GRM8: variants seen among roughly 807,000 people sequenced by gnomAD.
GRM8 encodes the protein glutamate metabotropic receptor 8.
Under a neutral mutation model 87.2 loss-of-function variants are expected in GRM8, and 47 were observed. That is an observed-to-expected ratio of 0.54 (90% CI 0.43 to 0.69). GRM8 has a LOEUF of 0.69. Among genes scored for constraint, GRM8 ranks in the 30% least tolerant of loss-of-function variants. The pLI, the probability that GRM8 is intolerant of heterozygous loss-of-function variation, is 0.00. For synonymous variants in GRM8, 396 were observed against 404.5 expected (o/e 0.98, Z 0.25); for missense variants, 1,019 against 1,139.2 (o/e 0.89, Z 1.52).
intron 7 of GRM8, among the ~76,000 whole-genome samples, chr7:126,642,738 A>C (rs1802543013): frequency 6.6e-6 from 1 of 152,236 alleles, no homozygotes; most frequent in African/African-American, 2.4e-5. Flanking sequence ...GAGTTGAAGA[A>C]AGCAGATTTC....
intron 6 of GRM8, among the ~76,000 whole-genome samples, chr7:126,820,549 A>G (rs914724100): frequency 1.3e-5 from 2 of 152,230 alleles, no homozygotes; most frequent in African/African-American, 4.8e-5. Context: ...TGAACCTTGG[A>G]TAAATTCAAC....
intron 2 of GRM8, among the ~76,000 whole-genome samples, chr7:127,107,146 C>T (rs1825887668): frequency 6.6e-6 from 1 of 152,126 alleles, no homozygotes; most frequent in South Asian, 2.1e-4. Context: ...CAATGACTAA[C>T]AGGGAATTTA....
chr7:127,169,092 T>C (rs1440909620), intron 2 of GRM8, among the ~76,000 whole-genome samples: 1 of 148,388 alleles, frequency 6.7e-6, no homozygotes. Context: ...AAAAAAAAGC[T>C]AGAAATGAGG....
intron 6 of GRM8, among the ~76,000 whole-genome samples, chr7:126,842,440 A>G (rs1796363845): frequency 6.6e-6 from 1 of 152,260 alleles, no homozygotes; most frequent in Admixed American, 6.5e-5. Flanking sequence ...TGAAACAGGA[A>G]AGAATCACTA....
chr7:126,457,534 G>T (rs1217372409), intron 9 of GRM8, among the ~76,000 whole-genome samples: 2 of 151,152 alleles, frequency 1.3e-5, no homozygotes, highest in African/African-American at 4.8e-5. Context: ...AATAGAACTA[G>T]GTTGGAAATA....
intron 2 of GRM8, among the ~76,000 whole-genome samples, chr7:127,109,336 G>T (rs1376476731): frequency 6.6e-6 from 1 of 151,950 alleles, no homozygotes. Context: ...AAAAAAAAAA[G>T]TAGTGTCTTT....
At position 126,536,194 on chromosome 7, in the gene GRM8, C is replaced by T. The variant is rs1029699103; in HGVS notation, c.1495-2307G>A. On this transcript the variant is annotated intron_variant, in intron 8 of 10. Coordinates refer to ENST00000339582, the MANE Select transcript of GRM8 (RefSeq NM_000845.3). ...GCGACTGTATACTTCCAAAGCAGCCCGAAGTATGTAGCTTTAGCAATATTC... is the reference window on the plus strand; with the variant it reads ...GCGACTGTATACTTCCAAAGCAGCCTGAAGTATGTAGCTTTAGCAATATTC... 3.3e-5 allele frequency among the ~76,000 whole-genome samples: 5 copies of T among 152,130 alleles called. No homozygotes were observed. The East Asian group carries it at 5.8e-4, about 18-fold the overall frequency.
intron 9 of GRM8, among the ~76,000 whole-genome samples, chr7:126,469,219 A>C (rs1234837550): frequency 6.6e-6 from 1 of 152,044 alleles, no homozygotes; most frequent in Non-Finnish European, 1.5e-5. Flanking sequence ...AAGTCTTCTG[A>C]GATTCTCTAA....
chr7:126,698,774 T>C (rs1199829930), intron 7 of GRM8, among the ~76,000 whole-genome samples: 2 of 152,134 alleles, frequency 1.3e-5, no homozygotes, highest in Non-Finnish European at 2.9e-5. Context: ...GTAACCCCAA[T>C]AGAGCTTGTT....
At chr7:127,193,656 C>T (rs1474864949) in intron 2 of GRM8, among the ~76,000 whole-genome samples, 6 of 152,056 alleles carry the variant, frequency 3.9e-5, no homozygotes, top group Admixed American at 2.6e-4. Context: ...GGGTCAAGAA[C>T]GGTAGCTATG....
At chr7:126,535,868 G>A (rs1484660711) in intron 8 of GRM8, among the ~76,000 whole-genome samples, 2 of 152,036 alleles carry the variant, frequency 1.3e-5, no homozygotes, top group East Asian at 1.9e-4. Context: ...GCGTGTGAAG[G>A]AGCCACCTAG....
rs370068889 is a variant in GRM8, at chr7:126,609,404, C to T, written c.1452G>A (p.Glu484=). 1.5e-5 allele frequency: 25 copies of T among 1,613,648 alleles called. No individual in the cohort carries two copies. Among genetic ancestry groups the T allele is most frequent in the Non-Finnish European group, 2.1e-5 (25 of 1,179,584 alleles). The change falls in exon 8 of 11, where the codon GAG becomes GAA. Residue 484 remains glutamate (E), a synonymous_variant. Coordinates refer to ENST00000339582, the MANE Select transcript of GRM8 (RefSeq NM_000845.3). ...FQYQITNKST[E]YKVIGHWTNQ... Reference sequence around the variant, plus strand: ...TGGTCCAGTGGCCGATGACTTTGTACTCTGTGCTTTTGTTGGTTATTTGAT... The same window carrying T: ...TGGTCCAGTGGCCGATGACTTTGTATTCTGTGCTTTTGTTGGTTATTTGAT...
rs1353667958 is a variant in GRM8, at chr7:127,206,029, G to T, written c.510+36666C>A. Among the ~76,000 whole-genome samples, 6 of 152,220 alleles carry T rather than the reference G, an allele frequency of 3.9e-5. No individual in the cohort carries two copies. The East Asian group carries it at 1.2e-3, about 29-fold the overall frequency. On this transcript the variant is annotated intron_variant, in intron 2 of 10. Coordinates refer to ENST00000339582, the MANE Select transcript of GRM8 (RefSeq NM_000845.3). ...CCGTTAGGAAGCCCTGCCAGGTATA[G>T]ATGGGAGAACTGAGCTACCAGCATC...
intron 8 of GRM8, among the ~76,000 whole-genome samples, chr7:126,586,986 A>G (rs139789323): frequency 0.012 from 1,847 of 152,356 alleles, 35 homozygotes; most frequent in African/African-American, 0.042. Flanking sequence ...ATTTACAAAA[A>G]AAAACCAAGC....
intron 2 of GRM8, among the ~76,000 whole-genome samples, chr7:127,108,382 C>T (rs185908405): frequency 3.9e-5 from 6 of 152,162 alleles, no homozygotes; most frequent in Non-Finnish European, 7.4e-5. Flanking sequence ...TATATCCTAA[C>T]GAAAATAAGT....
At chr7:126,986,888 C>A (rs1391896381) in intron 3 of GRM8, among the ~76,000 whole-genome samples, 2 of 152,206 alleles carry the variant, frequency 1.3e-5, no homozygotes, top group African/African-American at 4.8e-5. Context: ...CTTGCTACAT[C>A]AGGCAATGTT....
At chr7:126,895,742 G>A (rs1801483847) in intron 6 of GRM8, among the ~76,000 whole-genome samples, 1 of 151,990 alleles carries the variant, frequency 6.6e-6, no homozygotes, top group Admixed American at 6.6e-5. Flanking sequence ...CAAGGGGCCA[G>A]GGAACTGGAT....
At chr7:126,756,861 G>A (rs1399787822) in intron 7 of GRM8, among the ~76,000 whole-genome samples, 1 of 151,994 alleles carries the variant, frequency 6.6e-6, no homozygotes, top group Non-Finnish European at 1.5e-5. Flanking sequence ...TTTGCTGTGA[G>A]ATTAAAACTG....
intron 3 of GRM8, among the ~76,000 whole-genome samples, chr7:127,094,276 T>C (rs1193784322): frequency 6.6e-6 from 1 of 152,176 alleles, no homozygotes; most frequent in Non-Finnish European, 1.5e-5. Context: ...TGTGATTTCT[T>C]TGGGGCTGAG....
Sources: gnomAD v4.1 joint callset for allele counts (sites outside exome capture counted in the v4.1 genomes callset) on GRCh38, gnomAD v4.1.1 for gene constraint, MANE v1.5 for transcripts, NCBI Gene and HGNC (gene_info 2026-07-23, HGNC 2026-07-21) for gene names.